Variants in TMIGD3 observed in about 807,000 individuals in gnomAD.
TMIGD3 encodes AD026 protein (AD026).
In TMIGD3, 21 loss-of-function variants were observed where a neutral mutation model predicts 28.1. That is an observed-to-expected ratio of 0.75 (90% CI 0.53 to 1.08). The LOEUF (loss-of-function observed/expected upper bound fraction) is 1.08, where lower values mean the gene tolerates loss of function less well. Ranked by LOEUF, TMIGD3 falls within the 50% of genes least tolerant of loss-of-function variation. TMIGD3 has a pLI of 0.00. For missense variants in TMIGD3, 416 were observed against 435.6 expected (o/e 0.96, Z 0.40); for synonymous variants, 151 against 162.1 (o/e 0.93, Z 0.52).
chr1:111,514,314 A>T (rs969590903), intron 1 of TMIGD3, among the ~76,000 whole-genome samples: 2 of 152,120 alleles, frequency 1.3e-5, no homozygotes, highest in Non-Finnish European at 2.9e-5. Context: ...GAAGGCCGAG[A>T]CAGGTGGATT....
At chr1:111,498,740 C>A (rs1655005848) in intron 1 of TMIGD3, among the ~76,000 whole-genome samples, 1 of 152,110 alleles carries the variant, frequency 6.6e-6, no homozygotes. Flanking sequence ...ACCTACCTCA[C>A]AGATTGTCAG....
chr1:111,527,718 T>C (rs1467703283), intron 1 of TMIGD3, among the ~76,000 whole-genome samples: 1 of 152,236 alleles, frequency 6.6e-6, no homozygotes, highest in Admixed American at 6.5e-5. Flanking sequence ...TGTAGTGTTA[T>C]TGTTGTTTTA....
chr1:111,487,007 T>C (rs1052765331), intron 3 of TMIGD3, among the ~76,000 whole-genome samples: 26 of 152,134 alleles, frequency 1.7e-4, no homozygotes, highest in Non-Finnish European at 1.5e-5. Flanking sequence ...CTCCTCCCCA[T>C]AGGAGGGGAT....
intron 1 of TMIGD3, among the ~76,000 whole-genome samples, chr1:111,519,312 T>C (rs1366685544): frequency 1.3e-5 from 2 of 152,230 alleles, no homozygotes; most frequent in East Asian, 3.8e-4. Flanking sequence ...TTTGAGCACC[T>C]ACTCCACTAG....
At chr1:111,486,273 A>G (rs989626373) in intron 4 of TMIGD3, among the ~76,000 whole-genome samples, 1 of 152,162 alleles carries the variant, frequency 6.6e-6, no homozygotes, top group Non-Finnish European at 1.5e-5. Flanking sequence ...GTTCCTGACA[A>G]TTTCCAAGGG....
intron 1 of TMIGD3, among the ~76,000 whole-genome samples, chr1:111,495,731 A>G (rs1253479406): frequency 1.3e-5 from 2 of 152,234 alleles, no homozygotes; most frequent in Admixed American, 6.5e-5. Flanking sequence ...TATGTTCACA[A>G]TAGCAAAGAC....
intron 1 of TMIGD3, chr1:111,542,285 G>A: frequency 1.8e-6 from 1 of 570,344 alleles, no homozygotes; most frequent in Non-Finnish European, 3.3e-6. Context: ...CAGACCTGCC[G>A]GTTCGAACAC....
At chr1:111,507,033 GTGTGTGTATATATATATA>G (rs1464226457), upstream of TMIGD3, among the ~76,000 whole-genome samples, 3 of 37,158 alleles carry the variant, frequency 8.1e-5, no homozygotes, top group Non-Finnish European at 1.7e-4. Flanking sequence ...GTGTGTGTGT[GTGTGTGTATATATATATA>G]TATATATATG....
At chr1:111,508,316 G>A (rs1325308412), upstream of TMIGD3, among the ~76,000 whole-genome samples, 1 of 152,212 alleles carries the variant, frequency 6.6e-6, no homozygotes, top group Admixed American at 6.5e-5. Context: ...GACTTAGCAC[G>A]GTAGCGTCAG....
At chr1:111,531,217 G>A (rs1656447098) in intron 1 of TMIGD3, among the ~76,000 whole-genome samples, 1 of 151,884 alleles carries the variant, frequency 6.6e-6, no homozygotes, top group South Asian at 2.1e-4. Flanking sequence ...GGCAGAGGTT[G>A]CAGTAAGCCA....
chr1:111,500,643 G>A (rs1308859768), intron 1 of TMIGD3: 11 of 1,257,598 alleles, frequency 8.7e-6, no homozygotes, highest in African/African-American at 1.5e-5. Context: ...AGAGAGAGAG[G>A]TGAGATAAGG....
At chr1:111,534,436 G>T (rs1027917927) in intron 1 of TMIGD3, among the ~76,000 whole-genome samples, 1 of 152,206 alleles carries the variant, frequency 6.6e-6, no homozygotes, top group Non-Finnish European at 1.5e-5. Context: ...TCTATGCTGA[G>T]CTCCTAAAGG....
intron 5 of TMIGD3, among the ~76,000 whole-genome samples, chr1:111,484,272 C>A (rs76746030): frequency 0.18 from 27,478 of 152,142 alleles, 2,652 homozygotes; most frequent in Middle Eastern, 0.24. Context: ...GATGGCATTT[C>A]TTTTGCCCAT....
At chr1:111,515,170 C>T (rs1232802169) in intron 1 of TMIGD3, among the ~76,000 whole-genome samples, 3 of 152,194 alleles carry the variant, frequency 2.0e-5, no homozygotes, top group Admixed American at 2.0e-4. Flanking sequence ...GTCAGCTCTT[C>T]CACTGCGGAG....
chr1:111,556,909 A>G (rs1230046191), intron 1 of TMIGD3, among the ~76,000 whole-genome samples: 1 of 149,430 alleles, frequency 6.7e-6, no homozygotes, highest in Non-Finnish European at 1.5e-5. Context: ...CATTATATAT[A>G]TGTATGTACA....
chr1:111,526,633 C>T (rs1656271206), intron 1 of TMIGD3, among the ~76,000 whole-genome samples: 1 of 152,176 alleles, frequency 6.6e-6, no homozygotes, highest in African/African-American at 2.4e-5. Context: ...CATCCCCCAC[C>T]ACAGTGGTAC....
chr1:111,502,260 TATATAGGATATATATTCATTATAATAA>T (rs1557824396), intron 1 of TMIGD3, among the ~76,000 whole-genome samples: 1 of 87,144 alleles, frequency 1.1e-5, no homozygotes, highest in Non-Finnish European at 2.1e-5. Context: ...TTATAATAAA[TATATAGGATATATATTCATTATAATAA>T]ATATATAGGA....
Position 111,503,164 on chromosome 1 carries a change from A to G in TMIGD3, c.191T>C (p.Leu64Pro), listed in dbSNP as rs768506276. The change falls in exon 1 of 6, where the codon CTG becomes CCG. Residue 64 changes from leucine to proline, a missense_variant. By Grantham distance (98) the Leu-to-Pro change is moderately conservative. Transcript: ENST00000369716. ...GACAACAATGGCCAAAGGCATGACC[A>G]GCACCCCAACAGCAATGTCAGCCAG... ...LALADIAVGV[L>P]VMPLAIVVSL... 3.7e-6 allele frequency: 6 copies of G among 1,614,266 alleles called. 1 individual carries two copies. The South Asian group carries it at 6.6e-5, about 18-fold the overall frequency.
At chr1:111,532,520 T>G (rs937795069) in intron 1 of TMIGD3, among the ~76,000 whole-genome samples, 1 of 152,178 alleles carries the variant, frequency 6.6e-6, no homozygotes, top group Non-Finnish European at 1.5e-5. Flanking sequence ...CTGGGTGCAG[T>G]GGCTCACACC....
Sources: gnomAD v4.1 joint callset for allele counts (sites outside exome capture counted in the v4.1 genomes callset) on GRCh38, gnomAD v4.1.1 for gene constraint, MANE v1.5 for transcripts, NCBI Gene and HGNC (gene_info 2026-07-23, HGNC 2026-07-21) for gene names.